Variants in SHARPIN observed in about 807,000 individuals in gnomAD.
SHARPIN encodes the protein hSIPL1.
A neutral mutation model predicts 40.3 loss-of-function variants in SHARPIN; 25 were observed. The observed-to-expected ratio is 0.62, with a 90% CI of 0.45 to 0.87. SHARPIN has a LOEUF of 0.87. SHARPIN is among the 40% of genes least tolerant of loss of function. SHARPIN has a pLI of 0.00. For synonymous variants in SHARPIN, 274 were observed against 221.8 expected, an observed-to-expected ratio of 1.24 and a Z score of -2.09; for missense variants, 551 against 516.1, an observed-to-expected ratio of 1.07 and a Z score of -0.66.
chr8:144,103,322 G>T (rs184688195), intron 1 of SHARPIN, 97 bp from the exon 2 acceptor site: 7 of 1,372,926 alleles, frequency 5.1e-6, no homozygotes, highest in Non-Finnish European at 3.0e-6. Flanking sequence ...CCATTTACAC[G>T]GTCCTAAGCC....
chr8:144,101,107 T>G (rs1476389832), intron 2 of SHARPIN, among the ~76,000 whole-genome samples: 1 of 151,878 alleles, frequency 6.6e-6, no homozygotes, highest in Admixed American at 6.6e-5. Flanking sequence ...AGTGCTGGGA[T>G]GATAGGCGTG....
At chr8:144,101,450 C>T (rs887456525) in intron 2 of SHARPIN, among the ~76,000 whole-genome samples, 1 of 146,864 alleles carries the variant, frequency 6.8e-6, no homozygotes, top group Non-Finnish European at 1.5e-5. Flanking sequence ...GCTCTGTTGC[C>T]CAGGCTGGAG....
chr8:144,099,066 C>G lies in SHARPIN; in HGVS notation c.1047+15G>C. 6.4e-7 allele frequency: 1 copy of G among 1,571,632 alleles called. No homozygotes were observed. The highest frequency in any genetic ancestry group is 2.2e-5 in the East Asian group (1 of 44,634). On this transcript the variant is annotated intron_variant, in intron 7 of 8. Coordinates refer to ENST00000398712, the MANE Select transcript of SHARPIN (RefSeq NM_030974.4). ...CATGGCTGTCCTGGCCCTCCCTGCCCAGTCCCGTGCCCACCTGGAGTGGAC... is the reference window on the plus strand; with the variant it reads ...CATGGCTGTCCTGGCCCTCCCTGCCGAGTCCCGTGCCCACCTGGAGTGGAC...
chr8:144,099,487 G>C (rs1384035636), intron 5 of SHARPIN, 23 bp downstream of exon 5: 1 of 1,610,644 alleles, frequency 6.2e-7, no homozygotes, highest in South Asian at 1.1e-5. Flanking sequence ...CCCCTGGCAG[G>C]GCTCCCCAGA....
chr8:144,102,325 G>A (rs916319146), intron 2 of SHARPIN, among the ~76,000 whole-genome samples: 1 of 148,920 alleles, frequency 6.7e-6, no homozygotes, highest in Admixed American at 6.8e-5. Context: ...CCAGGCTGGA[G>A]TGCAGTGGCA....
chr8:144,101,783 T>A (rs891635467), intron 2 of SHARPIN, among the ~76,000 whole-genome samples: 1 of 152,038 alleles, frequency 6.6e-6, no homozygotes, highest in African/African-American at 2.4e-5. Context: ...GTCTGCCTCC[T>A]CCCCTCTAAA....
chr8:144,103,758 G>T lies in SHARPIN; in HGVS notation c.-5C>A, dbSNP rs1041205016. On this transcript the variant is annotated 5_prime_UTR_variant, in exon 1 of 9. Coordinates refer to ENST00000398712, the MANE Select transcript of SHARPIN (RefSeq NM_030974.4). ...CCCGCCCGCTGGCGGCGCCATCTCCGGTCCGGCCGGGTCCCACCCCTCCGA... is the reference window on the plus strand; with the variant it reads ...CCCGCCCGCTGGCGGCGCCATCTCCTGTCCGGCCGGGTCCCACCCCTCCGA... 1.5e-6 allele frequency: 2 copies of T among 1,364,482 alleles called. No homozygotes were observed. The highest frequency in any genetic ancestry group is 3.1e-5 in the East Asian group (1 of 31,794). 84.5% of individuals were successfully genotyped at this position (1,364,482 alleles called of 1,614,324 possible). A position where few individuals can be genotyped will look rare whatever the true frequency, so the allele number is the denominator to read the frequency against.
At position 144,103,041 on chromosome 8, in the gene SHARPIN, G is replaced by C. The variant is rs1408946652; in HGVS notation, c.376+10C>G. The C allele has an allele frequency of 6.2e-7, 1 of 1,613,180 alleles. No individual in the cohort carries two copies. Among genetic ancestry groups the C allele is most frequent in the Non-Finnish European group, 8.5e-7 (1 of 1,179,848 alleles). On this transcript the variant is annotated intron_variant, in intron 2 of 8. Coordinates refer to ENST00000398712, the MANE Select transcript of SHARPIN (RefSeq NM_030974.4). ...CCAAATTGTAATTGTATCCATTACA[G>C]GGCACTGACCATTCTGTCCTTCCAC... is the stretch of plus-strand genomic sequence containing the variant.
Position 144,099,443 on chromosome 8 carries a change from C to A in SHARPIN, c.769-13G>T. ...GCTCTGAGAACACCTGTGGCCAGAGCATCAGGGCAGGTGATGTCACCTAGG... is the reference window on the plus strand; with the variant it reads ...GCTCTGAGAACACCTGTGGCCAGAGAATCAGGGCAGGTGATGTCACCTAGG... On this transcript the variant is annotated splice_polypyrimidine_tract_variant and intron_variant, in intron 5 of 8. Coordinates refer to ENST00000398712, the MANE Select transcript of SHARPIN (RefSeq NM_030974.4). 1 of 1,609,642 alleles carries A rather than the reference C, an allele frequency of 6.2e-7. No individual in the cohort carries two copies. Among genetic ancestry groups the A allele is most frequent in the South Asian group, 1.1e-5 (1 of 90,486 alleles).
chr8:144,101,510 G>C (rs1366221640), intron 2 of SHARPIN, among the ~76,000 whole-genome samples: 2 of 145,576 alleles, frequency 1.4e-5, no homozygotes, highest in Admixed American at 7.1e-5. Flanking sequence ...CTGGGTTCAC[G>C]CCCTTCTCCT....
In SHARPIN at chr8:144,102,990, A is replaced by G. The variant is rs554921025; in HGVS notation, c.376+61T>C. 1.1e-5 allele frequency: 18 copies of G among 1,600,712 alleles called. No individual in the cohort carries two copies. In the African/African-American group the frequency reaches 2.4e-4, roughly 21 times the overall value. ...GGGGAAGGTGGATCCAACTTCCCCA[A>G]CCAGGACTGGGGGGCCAAGGCTATT... On this transcript the variant is annotated intron_variant, in intron 2 of 8. Coordinates refer to ENST00000398712, the MANE Select transcript of SHARPIN (RefSeq NM_030974.4).
At position 144,099,854 on chromosome 8, in the gene SHARPIN, A is replaced by T. The variant is rs1157349586; in HGVS notation, c.518-10T>A. 1.9e-6 allele frequency: 3 copies of T among 1,612,000 alleles called. No homozygotes were observed. The highest frequency in any genetic ancestry group is 2.5e-6 in the Non-Finnish European group (3 of 1,179,888). On this transcript the variant is annotated splice_polypyrimidine_tract_variant and intron_variant, in intron 3 of 8. Coordinates refer to ENST00000398712, the MANE Select transcript of SHARPIN (RefSeq NM_030974.4). ...CTCCCTGCCAGCTCTTCTGCAGGGT[A>T]AGGAAAGGACAGCTGTCACCACTGG...
rs927468760 is a variant in SHARPIN at position 144,099,804 on chromosome 8, T to G, written c.558A>C (p.Gly186=). 6.2e-7 allele frequency: 1 copy of G among 1,612,722 alleles called. No homozygotes were observed. Among genetic ancestry groups the G allele is most frequent in the Non-Finnish European group, 8.5e-7 (1 of 1,179,986 alleles). The part of the protein sequence containing the change: ...AGSLARAIAG[G]DEKGAAQVAA... ...CCACTTGGGCTGCCCCCTTCTCGTC[T>G]CCACCTGCAATAGCCCGGGCCAGGC... The change falls in exon 4 of 9, where the codon GGA becomes GGC. Residue 186 remains glycine (G), a synonymous_variant. Coordinates refer to ENST00000398712, the MANE Select transcript of SHARPIN (RefSeq NM_030974.4).
chr8:144,100,615 C>T (rs1836269038), intron 2 of SHARPIN: 1 of 153,708 alleles, frequency 6.5e-6, no homozygotes, highest in Non-Finnish European at 1.5e-5. Flanking sequence ...CCCGTGGTCT[C>T]AGGCCCACTA....
chr8:144,100,820 T>C (rs1189585085), intron 2 of SHARPIN: 2 of 148,668 alleles, frequency 1.3e-5, no homozygotes, highest in African/African-American at 4.9e-5. Flanking sequence ...GTCACCTCAA[T>C]GAGGCCTTCC....
rs572750141 is a variant in SHARPIN at position 144,099,806 on chromosome 8, C to T, written c.556G>A (p.Gly186Arg). 3.4e-5 allele frequency: 55 copies of T among 1,612,908 alleles called. No individual in the cohort carries two copies. The East Asian group carries it at 8.0e-4, about 24-fold the overall frequency. ...ACTTGGGCTGCCCCCTTCTCGTCTCCACCTGCAATAGCCCGGGCCAGGCTC... is the reference window on the plus strand; with the variant it reads ...ACTTGGGCTGCCCCCTTCTCGTCTCTACCTGCAATAGCCCGGGCCAGGCTC... The part of the protein sequence containing the change: ...AGSLARAIAG[G>R]DEKGAAQVAA... The change falls in exon 4 of 9, where the codon GGA becomes AGA. Residue 186 changes from glycine to arginine, a missense_variant. Transcript: ENST00000398712.
rs780385793 is a variant in SHARPIN, at chr8:144,103,166, G to A, written c.261C>T (p.His87=). The A allele has an allele frequency of 6.1e-5, 98 of 1,613,548 alleles. No homozygotes were observed. Among genetic ancestry groups the A allele is most frequent in the Admixed American group, 1.0e-4 (6 of 59,986 alleles). ...VSYTIRGPTQ[H]ELQPPPGGPG... is the part of the protein sequence containing the mutation. ...GCCCTCCTGGTGGAGGCTGTAGCTC[G>A]TGCTGGGTGGGGCCTCGGATGGTGT... The change falls in exon 2 of 9, where the codon CAC becomes CAT. Residue 87 remains histidine, a synonymous_variant. Coordinates refer to ENST00000398712, the MANE Select transcript of SHARPIN (RefSeq NM_030974.4).
Position 144,099,729 on chromosome 8 carries a change from C to T in SHARPIN, c.633G>A (p.Glu211=). ...HRVALSVQLQ[E]ACFPPGPIRL... ...TGATGGGGCCAGGTGGGAAGCAGGC[C>T]TCCTGAAGCTGAACACTCAGGGCCA... Residue 211 remains glutamate (E), a synonymous_variant, in exon 4 of 9, where the codon GAG becomes GAA. Transcript: ENST00000398712. 2 of 1,613,560 alleles carry T rather than the reference C, an allele frequency of 1.2e-6. No individual in the cohort carries two copies. The highest frequency in any genetic ancestry group is 1.7e-6 in the Non-Finnish European group (2 of 1,179,996).
chr8:144,103,716 G>C lies in SHARPIN; in HGVS notation c.38C>G (p.Ser13Trp). The change falls in exon 1 of 9, where the codon TCG becomes TGG. Residue 13 changes from serine to tryptophan, a missense_variant. Coordinates refer to ENST00000398712, the MANE Select transcript of SHARPIN (RefSeq NM_030974.4). ...GAGCACTGCGGCGGAGCCCAAGTCC[G>C]AGGCCGCCGCCGCCGCCCCGCCCGC... ...PPAGGAAAAA[S>W]DLGSAAVLLA... 7.1e-7 allele frequency: 1 copy of C among 1,410,542 alleles called. No homozygotes were observed. Among genetic ancestry groups the C allele is most frequent in the Admixed American group, 3.1e-5 (1 of 31,978 alleles). The allele number at this position is 1,410,542 out of a possible 1,614,324, so 87.4% of individuals were successfully genotyped here. A position where few individuals can be genotyped will look rare whatever the true frequency, so the allele number is the denominator to read the frequency against.
Sources: gnomAD v4.1 joint callset for allele counts (sites outside exome capture counted in the v4.1 genomes callset) on GRCh38, gnomAD v4.1.1 for gene constraint, MANE v1.5 for transcripts, NCBI Gene and HGNC (gene_info 2026-07-23, HGNC 2026-07-21) for gene names.